NAV1: variants seen among roughly 807,000 people sequenced by gnomAD.
NAV1 encodes the protein pore membrane and/or filament interacting like protein 3.
Under a neutral mutation model 175.2 loss-of-function variants are expected in NAV1, and 18 were observed. That is an observed-to-expected ratio of 0.10 (90% confidence interval 0.07 to 0.15). The LOEUF is 0.15. NAV1 is among the 10% of genes least tolerant of loss of function. The pLI is 1.00. For synonymous variants in NAV1, 897 were observed against 978.7 expected (o/e 0.92, Z 1.56); for missense variants, 1,731 against 2,436.6 (o/e 0.71, Z 6.10).
At chr1:201,781,153 G>A in exon 5 of NAV1, 1 of 1,614,168 alleles carries the variant, frequency 6.2e-7, no homozygotes, top group Non-Finnish European at 8.5e-7. Context: ...GTGGCGGAGG[G>A]AGCGGCCTGA....
intron 22 of NAV1, 140 bp downstream of exon 26, chr1:201,809,677 G>A: frequency 2.4e-6 from 2 of 821,736 alleles, no homozygotes; most frequent in South Asian, 1.8e-5. Flanking sequence ...TTGAACTCTT[G>A]GGCTTAAGTA....
intron 1 of NAV1, among the ~76,000 whole-genome samples, chr1:201,695,139 C>A (rs549917171): frequency 6.6e-6 from 1 of 152,376 alleles, no homozygotes; most frequent in African/African-American, 2.4e-5. Flanking sequence ...CCAGCCTCTT[C>A]CATGCTCAGG....
intron 1 of NAV1, among the ~76,000 whole-genome samples, chr1:201,697,409 C>T (rs373328600): frequency 2.6e-5 from 4 of 152,178 alleles, no homozygotes; most frequent in South Asian, 4.1e-4. Flanking sequence ...GAGGTGTGAA[C>T]GGCAGAGGGA....
chr1:201,621,338 T>C (rs58392592), upstream of NAV1, among the ~76,000 whole-genome samples: 1,358 of 144,844 alleles, frequency 9.4e-3, 16 homozygotes, highest in African/African-American at 0.034. Context: ...CTTTCTTTTT[T>C]TTTTTTTTTT....
chr1:201,746,877 G>A (rs572766767), intron 3 of NAV1, among the ~76,000 whole-genome samples: 3 of 152,030 alleles, frequency 2.0e-5, no homozygotes, highest in East Asian at 1.9e-4. Context: ...GGTGGCACAC[G>A]CCTGTAGTTC....
intron 3 of NAV1, among the ~76,000 whole-genome samples, chr1:201,763,839 T>A (rs147709658): frequency 2.0e-5 from 3 of 152,348 alleles, no homozygotes; most frequent in Non-Finnish European, 4.4e-5. Context: ...TCCAATTGCA[T>A]CCATTTTGTT....
At position 201,643,065 on chromosome 1, in the gene NAV1, T is replaced by C. The variant is rs533938180; in HGVS notation, c.5-5569T>C. ...CTGGGATTACAGGTGTGAGCCACCGTGCCTGGCCTCTTTCTCTCTTTCTTT... is the reference window on the plus strand; with the variant it reads ...CTGGGATTACAGGTGTGAGCCACCGCGCCTGGCCTCTTTCTCTCTTTCTTT... On this transcript the variant is annotated intron_variant, in intron 2 of 29. Transcript: ENST00000367302. Among the ~76,000 whole-genome samples, 32 of 152,002 alleles carry C rather than the reference T, an allele frequency of 2.1e-4. 1 individual carries two copies. The highest frequency in any genetic ancestry group is 1.8e-3 in the East Asian group (9 of 5,138).
intron 1 of NAV1, among the ~76,000 whole-genome samples, chr1:201,671,695 G>T (rs566998578): frequency 3.0e-4 from 45 of 152,284 alleles, no homozygotes; most frequent in African/African-American, 1.0e-3. Context: ...CCCTGGGCAC[G>T]CTGGGTCTCT....
At chr1:201,642,557 T>TTTCTTTCTTTCTTTCTTTCTTTCTTTC (rs1571858664) in intron 2 of NAV1, among the ~76,000 whole-genome samples, 6,151 of 105,748 alleles carry the variant, frequency 0.058, 672 homozygotes, top group Middle Eastern at 0.098. Context: ...TTCTTTCTTT[T>TTTCTTTCTTTCTTTCTTTCTTTCTTTC]TTCCCTTTCT....
At chr1:201,650,511 C>T (rs1376264355) in intron 1 of NAV1, among the ~76,000 whole-genome samples, 5 of 152,158 alleles carry the variant, frequency 3.3e-5, no homozygotes, top group African/African-American at 9.7e-5. Context: ...CCTGGGTACC[C>T]GGCAGGCTGC....
exon 1 of NAV1, chr1:201,648,257 T>C: frequency 9.9e-7 from 1 of 1,012,996 alleles, no homozygotes; most frequent in Non-Finnish European, 1.2e-6. Flanking sequence ...TCCACGGGAC[T>C]GACAGGCAGG....
chr1:201,663,113 T>C (rs1018081845), intron 1 of NAV1, among the ~76,000 whole-genome samples: 11 of 152,166 alleles, frequency 7.2e-5, no homozygotes, highest in African/African-American at 2.2e-4. Flanking sequence ...GCCTCCTCTG[T>C]CCAAGACATC....
intron 3 of NAV1, among the ~76,000 whole-genome samples, chr1:201,733,911 G>A (rs1672974896): frequency 6.6e-6 from 1 of 152,144 alleles, no homozygotes; most frequent in Admixed American, 6.5e-5. Flanking sequence ...GGAAGCTACT[G>A]GAGGACTTCA....
chr1:201,575,516 C>T (rs1469110063), intron 1 of NAV1, among the ~76,000 whole-genome samples: 5 of 152,102 alleles, frequency 3.3e-5, no homozygotes, highest in South Asian at 2.1e-4. Flanking sequence ...TTCAGAACTG[C>T]GTATCTACAT....
chr1:201,819,985 C>G lies in NAV1; in HGVS notation c.*53C>G. On this transcript the variant is annotated 3_prime_UTR_variant, in exon 30 of 30. Coordinates refer to ENST00000367296, the Ensembl canonical transcript of NAV1. ...ACAGCAGAACGCTGGCATCAGCTAT[C>G]TTAGCTCCTCCTCTCCCCTCTCCTC... The G allele has an allele frequency of 3.3e-6, 5 of 1,518,432 alleles. No individual in the cohort carries two copies. In the East Asian group the frequency reaches 1.1e-4, roughly 34 times the overall value. The allele number at this position is 1,518,432 out of a possible 1,614,324, so 94.1% of individuals were successfully genotyped here.
chr1:201,627,461 C>A (rs945371093), intron 1 of NAV1, among the ~76,000 whole-genome samples: 2 of 151,732 alleles, frequency 1.3e-5, no homozygotes, highest in East Asian at 1.9e-4. Flanking sequence ...TTAGTAGAGG[C>A]GGGGTTTCGC....
chr1:201,556,952 T>C (rs1666037376), intron 1 of NAV1, among the ~76,000 whole-genome samples: 1 of 152,148 alleles, frequency 6.6e-6, no homozygotes, highest in Admixed American at 6.6e-5. Context: ...TAGACTCGTC[T>C]CTGGTGCAAA....
At chr1:201,658,352 C>T (rs1055607721) in intron 1 of NAV1, among the ~76,000 whole-genome samples, 1 of 152,020 alleles carries the variant, frequency 6.6e-6, no homozygotes, top group African/African-American at 2.4e-5. Context: ...GCTCGGCCAG[C>T]TGGAATTGGC....
At chr1:201,638,464 G>A (rs1668667214) in intron 2 of NAV1, among the ~76,000 whole-genome samples, 1 of 152,200 alleles carries the variant, frequency 6.6e-6, no homozygotes, top group Non-Finnish European at 1.5e-5. Flanking sequence ...GAGCTCCTCA[G>A]CAGGACAGGC....
Sources: gnomAD v4.1 joint callset for allele counts (sites outside exome capture counted in the v4.1 genomes callset) on GRCh38, gnomAD v4.1.1 for gene constraint, MANE v1.5 for transcripts, NCBI Gene and HGNC (gene_info 2026-07-23, HGNC 2026-07-21) for gene names.